PTP4A3: variants seen among roughly 807,000 people sequenced by gnomAD.
PTP4A3 encodes the protein protein tyrosine phosphatase 4A3.
A neutral mutation model predicts 15.2 loss-of-function variants in PTP4A3; 9 were observed. The observed-to-expected ratio is 0.59, with a 90% CI of 0.36 to 1.03. PTP4A3 has a LOEUF of 1.03. PTP4A3 is among the 50% of genes least tolerant of loss of function. PTP4A3 has a pLI of 0.02. For missense variants in PTP4A3, 234 were observed against 252.1 expected (o/e 0.93, Z 0.49); for synonymous variants, 95 against 102.0 (o/e 0.93, Z 0.41).
At chr8:141,396,572 C>G (rs1586532711) in intron 1 of PTP4A3, among the ~76,000 whole-genome samples, 1 of 152,110 alleles carries the variant, frequency 6.6e-6, no homozygotes, top group Admixed American at 6.5e-5. Flanking sequence ...GGGAACAGGA[C>G]AGTCCCGAGC....
chr8:141,403,856 GCA>G (rs1832660451), intron 1 of PTP4A3, among the ~76,000 whole-genome samples: 1 of 152,206 alleles, frequency 6.6e-6, no homozygotes, highest in Admixed American at 6.5e-5. Flanking sequence ...GTATTGCCAC[GCA>G]TTCGTCTGAC....
At chr8:141,404,203 A>T (rs961684424) in intron 1 of PTP4A3, among the ~76,000 whole-genome samples, 19 of 152,066 alleles carry the variant, frequency 1.2e-4, no homozygotes, top group Admixed American at 1.3e-4. Flanking sequence ...AAGGGAAGCG[A>T]TTTTTTTTTC....
rs1833860868 is a variant in PTP4A3 at position 141,431,228 on chromosome 8, C to T, written c.*184C>T. ...CGAGGAGCGAGGAGCCCCTCGGGCCCTGGGTGGCCTCTGGGCCCTTTCTCC... is the reference window on the plus strand; with the variant it reads ...CGAGGAGCGAGGAGCCCCTCGGGCCTTGGGTGGCCTCTGGGCCCTTTCTCC... On this transcript the variant is annotated 3_prime_UTR_variant, in exon 6 of 6. Transcript: ENST00000521578. 1.6e-6 allele frequency: 1 copy of T among 611,562 alleles called. No individual in the cohort carries two copies. Among genetic ancestry groups the T allele is most frequent in the East Asian group, 2.8e-5 (1 of 35,938 alleles). The allele number at this position is 611,562 out of a possible 1,614,324, so 37.9% of individuals were successfully genotyped here.
chr8:141,420,310 C>T (rs1833269318), intron 1 of PTP4A3, among the ~76,000 whole-genome samples: 1 of 152,158 alleles, frequency 6.6e-6, no homozygotes, highest in Admixed American at 6.5e-5. Flanking sequence ...GGGGACCCCT[C>T]AGCAGCAGTG....
chr8:141,426,243 G>A (rs949379275), intron 3 of PTP4A3, among the ~76,000 whole-genome samples: 2 of 152,288 alleles, frequency 1.3e-5, no homozygotes, highest in African/African-American at 2.4e-5. Context: ...AGACTGAAAC[G>A]TGTCCACTCC....
At chr8:141,426,225 C>G (rs1397944623) in intron 3 of PTP4A3, among the ~76,000 whole-genome samples, 1 of 152,180 alleles carries the variant, frequency 6.6e-6, no homozygotes, top group Admixed American at 6.5e-5. Context: ...CATGAACCCG[C>G]CTTCCCAAGA....
At chr8:141,418,107 G>T (rs1476899061) in intron 1 of PTP4A3, among the ~76,000 whole-genome samples, 1 of 152,050 alleles carries the variant, frequency 6.6e-6, no homozygotes, top group African/African-American at 2.4e-5. Context: ...CGGAGGGCTG[G>T]GCGGGAGCCC....
intron 1 of PTP4A3, among the ~76,000 whole-genome samples, chr8:141,409,955 C>T (rs1208589549): frequency 6.6e-6 from 1 of 152,222 alleles, no homozygotes; most frequent in African/African-American, 2.4e-5. Context: ...TCATGGCAGC[C>T]AATGCCTGCA....
intron 1 of PTP4A3, among the ~76,000 whole-genome samples, chr8:141,419,458 C>T (rs1395073362): frequency 6.6e-6 from 1 of 152,234 alleles, no homozygotes; most frequent in East Asian, 1.9e-4. Flanking sequence ...CTTCCCTCAC[C>T]CACACTCAGA....
At chr8:141,427,114 G>T (rs1348154357) in intron 4 of PTP4A3, 45 bp downstream of exon 4, 1 of 1,580,140 alleles carries the variant, frequency 6.3e-7, no homozygotes, top group South Asian at 1.1e-5. Flanking sequence ...AGGTGGTTGG[G>T]CATCTCGTGG....
At chr8:141,414,071 T>A (rs897464451) in intron 1 of PTP4A3, among the ~76,000 whole-genome samples, 1 of 152,116 alleles carries the variant, frequency 6.6e-6, no homozygotes, top group East Asian at 1.9e-4. Context: ...CGTGTGTGTG[T>A]GTGTGTGTGT....
chr8:141,429,917 T>C (rs868359883), intron 5 of PTP4A3, among the ~76,000 whole-genome samples: 306 of 28,058 alleles, frequency 0.011, 29 homozygotes, highest in African/African-American at 0.037. Context: ...GAGCGCACAG[T>C]CCGGGTCCCC....
chr8:141,424,696 A>C (rs1467867883), intron 2 of PTP4A3, among the ~76,000 whole-genome samples: 2 of 151,706 alleles, frequency 1.3e-5, no homozygotes, highest in African/African-American at 4.9e-5. Flanking sequence ...GTAGGTGGGG[A>C]CACCTTTGCC....
chr8:141,429,159 C>A (rs772745480), intron 5 of PTP4A3, among the ~76,000 whole-genome samples: 5 of 152,242 alleles, frequency 3.3e-5, no homozygotes, highest in Admixed American at 6.5e-5. Flanking sequence ...GGGCCCTACC[C>A]GGAGGCGTGG....
chr8:141,428,548 C>G (rs778206687), intron 5 of PTP4A3, among the ~76,000 whole-genome samples: 45 of 152,216 alleles, frequency 3.0e-4, no homozygotes, highest in Non-Finnish European at 5.9e-4. Context: ...GTGGGGCCAT[C>G]TCTTCCTCCC....
Position 141,393,548 on chromosome 8 carries a change from C to T in PTP4A3, c.-854+1464C>T, listed in dbSNP as rs149879040. On this transcript the variant is annotated intron_variant, in intron 1 of 5. Transcript: ENST00000521578. ...GATGGGGCATGGCTGGCTGGCTGAGCGGGGCAGGTTGCGGACAGGCCCCCG... is the reference window on the plus strand; with the variant it reads ...GATGGGGCATGGCTGGCTGGCTGAGTGGGGCAGGTTGCGGACAGGCCCCCG... Among the ~76,000 whole-genome samples the T allele has an allele frequency of 3.1e-3, 471 of 152,316 alleles. 1 individual carries two copies. Among genetic ancestry groups the T allele is most frequent in the Middle Eastern group, 0.027 (8 of 294 alleles).
intron 5 of PTP4A3, among the ~76,000 whole-genome samples, chr8:141,428,183 C>T (rs998530376): frequency 2.6e-5 from 4 of 152,150 alleles, no homozygotes; most frequent in Non-Finnish European, 5.9e-5. Flanking sequence ...AAACCCCACA[C>T]CACACCGTGT....
At chr8:141,394,284 C>T (rs898892617) in intron 1 of PTP4A3, among the ~76,000 whole-genome samples, 1 of 152,172 alleles carries the variant, frequency 6.6e-6, no homozygotes, top group African/African-American at 2.4e-5. Context: ...GCTCCTGGGC[C>T]TGGGGCTGGC....
chr8:141,428,329 C>G (rs1307147315), intron 5 of PTP4A3, among the ~76,000 whole-genome samples: 1 of 151,452 alleles, frequency 6.6e-6, no homozygotes, highest in Non-Finnish European at 1.5e-5. Flanking sequence ...TAGGCCAGCT[C>G]GCCTGCCCCA....
Sources: allele counts gnomAD v4.1 joint callset (sites outside exome capture counted in the v4.1 genomes callset), GRCh38; gene constraint gnomAD v4.1.1; transcripts MANE v1.5; gene names NCBI Gene and HGNC (gene_info 2026-07-23, HGNC 2026-07-21).